TCEANC: variants seen among roughly 807,000 people sequenced by gnomAD.
TCEANC encodes transcription elongation factor A N-terminal and central domain-containing protein.
In TCEANC, 8 loss-of-function variants were observed where a neutral mutation model predicts 8.7. The ratio of observed to expected loss-of-function variants is 0.92; its 90% CI spans 0.54 to 1.65. The LOEUF (loss-of-function observed/expected upper bound fraction) is 1.65, where lower values mean the gene tolerates loss of function less well. Ranked by LOEUF, TCEANC falls within the 40% of genes most tolerant of loss-of-function variation. The pLI, the probability that TCEANC is intolerant of heterozygous loss-of-function variation, is 0.00. For missense variants in TCEANC, 255 were observed against 251.9 expected, an observed-to-expected ratio of 1.01 and a Z score of -0.08; for synonymous variants, 78 against 92.9, an observed-to-expected ratio of 0.84 and a Z score of 0.92.
exon 2 of TCEANC, chrX:13,664,337 C>G (rs1465877785): frequency 1.6e-5 from 2 of 122,770 alleles, no homozygotes; most frequent in African/African-American, 6.5e-5. Flanking sequence ...AAATGTATTC[C>G]TGGAGGTCGG....
intron 1 of TCEANC, among the ~76,000 whole-genome samples, chrX:13,662,255 A>G (rs2045971924): frequency 8.9e-6 from 1 of 112,054 alleles, no homozygotes; most frequent in South Asian, 3.7e-4. Flanking sequence ...CCTCTTAAGC[A>G]GATGTTATGT....
intron 1 of TCEANC, among the ~76,000 whole-genome samples, chrX:13,657,265 G>A (rs887269692): frequency 1.8e-5 from 2 of 111,844 alleles, no homozygotes; most frequent in African/African-American, 6.5e-5. Context: ...GCATATGTAC[G>A]CATTTTCTTC....
chrX:13,662,850 A>G (rs1438048060), exon 2 of TCEANC: 1 of 1,211,796 alleles, frequency 8.3e-7, no homozygotes, highest in Non-Finnish European at 1.1e-6. Context: ...AGAATGAGAC[A>G]CTGGGCATCT....
intron 1 of TCEANC, among the ~76,000 whole-genome samples, chrX:13,662,126 C>T (rs766721061): frequency 2.7e-5 from 3 of 111,741 alleles, no homozygotes; most frequent in East Asian, 2.8e-4. Flanking sequence ...ATGCTGACAC[C>T]GGCATGATTT....
chrX:13,662,503 G>A (rs1346140828), exon 2 of TCEANC: 8 of 1,196,183 alleles, frequency 6.7e-6, no homozygotes, highest in Non-Finnish European at 9.0e-6. Flanking sequence ...CTTTGCAGCT[G>A]TAAAGATGTC....
rs781763687 is a variant in TCEANC at position 13,662,740 on chromosome X, G to C, written c.232G>C (p.Val78Leu). Residue 78 changes from valine to leucine, a missense_variant, in exon 2 of 2, where the codon GTT (valine) becomes CTT (leucine). Transcript: ENST00000380600. ...GTGTTTGCTATCAAAGTGGAAAGCT[G>C]TTTATAAGCAGACTCACTCCAAAGC... 2.1e-5 allele frequency: 25 copies of C among 1,210,035 alleles called. No individual in the cohort carries two copies. The South Asian group carries it at 4.2e-4, about 20-fold the overall frequency.
chrX:13,663,707 AC>A, exon 2 of TCEANC: 1 of 564,582 alleles, frequency 1.8e-6, no homozygotes, highest in Non-Finnish European at 2.7e-6. Flanking sequence ...AGCTGCCACC[AC>A]CATCCCTAAA....
At chrX:13,663,781 C>A (rs1019613497) in exon 2 of TCEANC, 1 of 362,154 alleles carries the variant, frequency 2.8e-6, no homozygotes, top group Non-Finnish European at 4.9e-6. Flanking sequence ...CCATTTAGTA[C>A]CTTACTGTAG....
intron 1 of TCEANC, among the ~76,000 whole-genome samples, 199 bp from the exon 5 acceptor site, chrX:13,662,302 G>A (rs1448810207): frequency 8.9e-6 from 1 of 112,009 alleles, no homozygotes; most frequent in Non-Finnish European, 1.9e-5. Flanking sequence ...TTTTTCACTC[G>A]TAGGAATTAA....
chrX:13,663,911 G>A (rs746880740), exon 2 of TCEANC: 2 of 164,889 alleles, frequency 1.2e-5, no homozygotes. Context: ...AATCTTCCAG[G>A]ATAGGATAGT....
chrX:13,661,057 G>A (rs2045963461), intron 1 of TCEANC, among the ~76,000 whole-genome samples: 1 of 111,448 alleles, frequency 9.0e-6, no homozygotes, highest in African/African-American at 3.3e-5. Flanking sequence ...TGTTAGCCAG[G>A]ATGGTCTCGA....
intron 1 of TCEANC, among the ~76,000 whole-genome samples, chrX:13,659,229 A>T (rs1472658058): frequency 8.9e-6 from 1 of 112,407 alleles, no homozygotes; most frequent in Admixed American, 9.4e-5. Flanking sequence ...AGAAACATTC[A>T]ATGTGCCTGC....
At chrX:13,664,816 G>A (rs900035941) in exon 2 of TCEANC, 1 of 123,240 alleles carries the variant, frequency 8.1e-6, no homozygotes. Flanking sequence ...ACTACAACAC[G>A]CCTTCTATGT....
exon 2 of TCEANC, chrX:13,663,313 T>C: frequency 8.3e-7 from 1 of 1,198,116 alleles, no homozygotes; most frequent in South Asian, 1.8e-5. Context: ...ACTGAAGCAG[T>C]TGAGAGCCTC....
intron 1 of TCEANC, among the ~76,000 whole-genome samples, chrX:13,658,387 C>G (rs951902219): frequency 3.6e-5 from 4 of 111,840 alleles, no homozygotes; most frequent in Non-Finnish European, 7.5e-5. Flanking sequence ...TTAAGAATTA[C>G]ATATGGAAAG....
chrX:13,661,311 A>T (rs892799708), intron 1 of TCEANC, among the ~76,000 whole-genome samples, 189 bp downstream of exon 4: 2 of 111,996 alleles, frequency 1.8e-5, no homozygotes, highest in Non-Finnish European at 3.8e-5. Flanking sequence ...TCTCCATTTA[A>T]CCATTTGAGG....
At chrX:13,662,190 G>T (rs185925715) in intron 1 of TCEANC, among the ~76,000 whole-genome samples, 1 of 111,730 alleles carries the variant, frequency 9.0e-6, no homozygotes, top group Non-Finnish European at 1.9e-5. Context: ...AATCTAGAAA[G>T]ATCATTGATT....
chrX:13,660,505 T>C (rs762892181), intron 1 of TCEANC, among the ~76,000 whole-genome samples: 1 of 112,425 alleles, frequency 8.9e-6, no homozygotes, highest in East Asian at 2.8e-4. Flanking sequence ...TTTCTGTCTC[T>C]ATAGATTTGC....
At chrX:13,657,685 G>A (rs1432404905) in intron 1 of TCEANC, among the ~76,000 whole-genome samples, 1 of 110,066 alleles carries the variant, frequency 9.1e-6, no homozygotes, top group Non-Finnish European at 1.9e-5. Context: ...GCACATGCCT[G>A]TAATCCTAGC....
Sources: allele counts gnomAD v4.1 joint callset (sites outside exome capture counted in the v4.1 genomes callset), GRCh38; gene constraint gnomAD v4.1.1; transcripts MANE v1.5; gene names NCBI Gene and HGNC (gene_info 2026-07-23, HGNC 2026-07-21).